MEGF11: variants seen among roughly 807,000 people sequenced by gnomAD.
The protein encoded by MEGF11 is multiple EGF like domains 11.
MEGF11 carries 126 observed loss-of-function variants against 146.6 expected under a neutral mutation model. The observed-to-expected ratio is 0.86, with a 90% CI of 0.74 to 1.00. The LOEUF is 1.00. Ranked by LOEUF, MEGF11 falls within the 50% of genes least tolerant of loss-of-function variation. The pLI is 0.00. For missense variants in MEGF11, 1,509 were observed against 1,521.2 expected, an observed-to-expected ratio of 0.99 and a Z score of 0.13; for synonymous variants, 532 against 583.4, an observed-to-expected ratio of 0.91 and a Z score of 1.27.
chr15:65,911,487 C>T (rs111975961), intron 21 of MEGF11, among the ~76,000 whole-genome samples: 7 of 152,282 alleles, frequency 4.6e-5, no homozygotes, highest in East Asian at 1.9e-4. Flanking sequence ...TCTCAGCTCA[C>T]GGCAGCCTCC....
intron 5 of MEGF11, among the ~76,000 whole-genome samples, chr15:66,011,032 G>C (rs1297866983): frequency 6.6e-6 from 1 of 152,168 alleles, no homozygotes; most frequent in African/African-American, 2.4e-5. Context: ...TACAATACAG[G>C]GTGTGTGTAA....
chr15:66,065,768 CA>C (rs1597046390), intron 5 of MEGF11, among the ~76,000 whole-genome samples: 2 of 152,142 alleles, frequency 1.3e-5, no homozygotes, highest in African/African-American at 4.8e-5. Flanking sequence ...CTGTCTTTTC[CA>C]CTTGGCAAAC....
At chr15:66,237,028 CAG>C (rs2092109174) in intron 1 of MEGF11, among the ~76,000 whole-genome samples, 2 of 152,176 alleles carry the variant, frequency 1.3e-5, no homozygotes, top group African/African-American at 4.8e-5. Context: ...CAGCACCATC[CAG>C]GCACCCCGGG....
intron 2 of MEGF11, among the ~76,000 whole-genome samples, chr15:66,124,773 T>G (rs1242724195): frequency 6.6e-6 from 1 of 152,240 alleles, no homozygotes. Context: ...GGGAAGCAGA[T>G]CTCAGCTTAA....
intron 1 of MEGF11, among the ~76,000 whole-genome samples, chr15:66,224,603 TTATATATATTTAA>T (rs1347900492): frequency 1.4e-5 from 2 of 143,648 alleles, no homozygotes; most frequent in Non-Finnish European, 3.0e-5. Flanking sequence ...TATATATTTA[TTATATATATTTAA>T]TATATATTAT....
At position 65,896,779 on chromosome 15, in the gene MEGF11, G is replaced by A. The variant is rs955125719; in HGVS notation, c.*1155C>T. The A allele has an allele frequency of 3.8e-4, 58 of 152,168 alleles. No homozygotes were observed. Among genetic ancestry groups the A allele is most frequent in the Admixed American group, 3.7e-3 (57 of 15,274 alleles). The allele number at this position is 152,168 out of a possible 1,614,324, so 9.4% of individuals were successfully genotyped here. On this transcript the variant is annotated 3_prime_UTR_variant, in exon 26 of 26. Coordinates refer to ENST00000395614, the MANE Select transcript of MEGF11 (RefSeq NM_001385028.1). Reference sequence around the variant, plus strand: ...AGTAGTAGTTTTAAGATAGAAGGTGGAAGGACTTCATATCCTCATGCTGTT... The same window carrying A: ...AGTAGTAGTTTTAAGATAGAAGGTGAAAGGACTTCATATCCTCATGCTGTT...
chr15:66,116,179 C>T (rs760675687), intron 4 of MEGF11, among the ~76,000 whole-genome samples: 10 of 152,240 alleles, frequency 6.6e-5, no homozygotes, highest in East Asian at 1.9e-4. Flanking sequence ...CTCAAGGCCC[C>T]GTGAAGCAGG....
intron 5 of MEGF11, among the ~76,000 whole-genome samples, chr15:66,051,573 G>C (rs1315842734): frequency 6.6e-6 from 1 of 152,222 alleles, no homozygotes; most frequent in Non-Finnish European, 1.5e-5. Context: ...CATTCCACCA[G>C]ATGAGAGCAT....
chr15:66,157,820 A>C (rs1182579462), intron 1 of MEGF11, among the ~76,000 whole-genome samples: 1 of 152,234 alleles, frequency 6.6e-6, no homozygotes, highest in Non-Finnish European at 1.5e-5. Flanking sequence ...ACAGGAGCAC[A>C]GCTCTGACCT....
At chr15:65,903,653 G>A (rs1308329192) in intron 24 of MEGF11, among the ~76,000 whole-genome samples, 1 of 152,198 alleles carries the variant, frequency 6.6e-6, no homozygotes, top group Non-Finnish European at 1.5e-5. Context: ...TTTTCCCACT[G>A]AGTTCAGAGA....
chr15:66,106,811 T>C (rs577799197), intron 4 of MEGF11, among the ~76,000 whole-genome samples: 21 of 152,264 alleles, frequency 1.4e-4, no homozygotes, highest in Middle Eastern at 3.4e-3. Context: ...ACATATCACA[T>C]CTGCAGCGTC....
intron 5 of MEGF11, among the ~76,000 whole-genome samples, chr15:66,030,776 C>T (rs1433741615): frequency 1.3e-5 from 2 of 152,190 alleles, no homozygotes; most frequent in Non-Finnish European, 2.9e-5. Flanking sequence ...GGAAAAAATG[C>T]TCAATTCCTA....
At chr15:65,938,391 A>G (rs1308701282) in intron 10 of MEGF11, among the ~76,000 whole-genome samples, 1 of 152,336 alleles carries the variant, frequency 6.6e-6, no homozygotes, top group Non-Finnish European at 1.5e-5. Context: ...CCCTGTTGAT[A>G]TGGAAAGTGC....
At chr15:66,119,041 C>T (rs1411777757) in intron 4 of MEGF11, 45 bp downstream of exon 4, 1 of 1,321,444 alleles carries the variant, frequency 7.6e-7, no homozygotes. Flanking sequence ...TTTTGCCTCT[C>T]CTCCCTTCCC....
At position 66,076,796 on chromosome 15, in the gene MEGF11, A is replaced by G. The variant is rs59103575; in HGVS notation, c.394+17606T>C. Among the ~76,000 whole-genome samples, 1,109 of 152,184 alleles carry G rather than the reference A, an allele frequency of 7.3e-3. 11 individuals carry two copies. Among genetic ancestry groups the G allele is most frequent in the African/African-American group, 0.025 (1,046 of 41,506 alleles). Reference sequence around the variant, plus strand: ...CCATTCACCAACTCTTAATCACAGCAATCTCCCCCCATCCAATCTGTTTCC... The same window carrying G: ...CCATTCACCAACTCTTAATCACAGCGATCTCCCCCCATCCAATCTGTTTCC... On this transcript the variant is annotated intron_variant, in intron 5 of 25. Coordinates refer to ENST00000395614, the MANE Select transcript of MEGF11 (RefSeq NM_001385028.1).
At chr15:65,953,624 G>C (rs78147199) in intron 10 of MEGF11, among the ~76,000 whole-genome samples, 3,435 of 152,284 alleles carry the variant, frequency 0.023, 58 homozygotes, top group Non-Finnish European at 0.036. Flanking sequence ...CTGGATGGGG[G>C]TCTGATTAGT....
At chr15:65,922,249 A>G (rs1199385129) in intron 15 of MEGF11, 89 bp downstream of exon 15, 1 of 1,501,572 alleles carries the variant, frequency 6.7e-7, no homozygotes, top group East Asian at 2.4e-5. Flanking sequence ...ATAGCGTATG[A>G]TGAAAATCCC....
intron 5 of MEGF11, among the ~76,000 whole-genome samples, chr15:65,991,860 A>G (rs909586966): frequency 4.6e-5 from 7 of 152,204 alleles, no homozygotes; most frequent in African/African-American, 7.2e-5. Flanking sequence ...CCATCACACC[A>G]GCTATTACGA....
chr15:66,001,419 T>C (rs2082363328), intron 5 of MEGF11, among the ~76,000 whole-genome samples: 2 of 152,158 alleles, frequency 1.3e-5, no homozygotes, highest in South Asian at 2.1e-4. Flanking sequence ...CTCCAGCCTC[T>C]GTACTCCAGA....
Sources: allele counts gnomAD v4.1 joint callset (sites outside exome capture counted in the v4.1 genomes callset), GRCh38; gene constraint gnomAD v4.1.1; transcripts MANE v1.5; gene names NCBI Gene and HGNC (gene_info 2026-07-23, HGNC 2026-07-21).